The following NBAS variants were observed in gnomAD, a reference collection of about 807,000 sequenced individuals.
NBAS encodes the protein NAG/BC035112 fusion.
In NBAS, 219 loss-of-function variants were observed where a neutral mutation model predicts 302.5. The ratio of observed to expected loss-of-function variants is 0.72; its 90% CI spans 0.65 to 0.81. NBAS has a LOEUF of 0.81. Among genes scored for constraint, NBAS ranks in the 30% least tolerant of loss-of-function variants. NBAS has a pLI of 0.00. For missense variants in NBAS, 2,932 were observed against 2,841.6 expected (o/e 1.03, Z -0.72); for synonymous variants, 1,118 against 1,021.6 (o/e 1.09, Z -1.80).
At chr2:15,351,958 A>T (rs1180093801) in intron 35 of NBAS, 34 bp downstream of exon 35, 2 of 1,502,616 alleles carry the variant, frequency 1.3e-6, no homozygotes, top group Non-Finnish European at 1.9e-6. Flanking sequence ...ACTCTCAGCC[A>T]CCTTTCAAAC....
downstream of NBAS, among the ~76,000 whole-genome samples, chr2:15,166,347 C>T (rs1482216670): frequency 5.3e-5 from 8 of 152,116 alleles, no homozygotes; most frequent in South Asian, 2.1e-4. Flanking sequence ...CTGAACATGT[C>T]GATGCTGATA....
chr2:15,008,659 A>G, the NBAS span, among the ~76,000 whole-genome samples: 1 of 152,184 alleles, frequency 6.6e-6, no homozygotes, highest in African/African-American at 2.4e-5. Context: ...TTCACTTTCT[A>G]TCATGATAAT....
At chr2:14,840,707 A>T in the NBAS span, among the ~76,000 whole-genome samples, 1 of 152,088 alleles carries the variant, frequency 6.6e-6, no homozygotes, top group African/African-American at 2.4e-5. Context: ...TAAATGAGAG[A>T]AAAAATCTTT....
chr2:15,176,707 C>A (rs900283434), intron 51 of NBAS, among the ~76,000 whole-genome samples: 2 of 152,126 alleles, frequency 1.3e-5, no homozygotes, highest in African/African-American at 4.8e-5. Context: ...TTCTAATGAG[C>A]ATTTTCCTTT....
At chr2:15,500,215 T>C (rs927399599) in intron 11 of NBAS, among the ~76,000 whole-genome samples, 16 of 152,158 alleles carry the variant, frequency 1.1e-4, no homozygotes, top group Non-Finnish European at 2.2e-4. Flanking sequence ...CTTTCAAATA[T>C]ACAAACTGTA....
the NBAS span, among the ~76,000 whole-genome samples, chr2:15,144,048 A>ATATATATATATATATATATTATCCT: frequency 5.3e-5 from 6 of 113,814 alleles, 1 homozygote; most frequent in African/African-American, 1.1e-4. Flanking sequence ...TATATATAAA[A>ATATATATATATATATATATTATCCT]ATATATATAT....
chr2:14,980,210 C>T, the NBAS span, among the ~76,000 whole-genome samples: 2 of 152,088 alleles, frequency 1.3e-5, no homozygotes, highest in Non-Finnish European at 2.9e-5. Flanking sequence ...CCAAAGATGC[C>T]TGGTCAGGCC....
chr2:15,281,198 G>C (rs1669809663), intron 42 of NBAS, among the ~76,000 whole-genome samples: 1 of 152,164 alleles, frequency 6.6e-6, no homozygotes, highest in Non-Finnish European at 1.5e-5. Flanking sequence ...AATAGGCTTT[G>C]TCTCTTCTAT....
At chr2:15,535,551 T>TAAATAAAC (rs1553334458) in intron 8 of NBAS, among the ~76,000 whole-genome samples, 8,502 of 147,818 alleles carry the variant, frequency 0.058, 356 homozygotes, top group South Asian at 0.12. Flanking sequence ...AATAAATAAA[T>TAAATAAAC]AAATAAATAA....
At chr2:14,785,598 T>C in the NBAS span, among the ~76,000 whole-genome samples, 5 of 152,194 alleles carry the variant, frequency 3.3e-5, no homozygotes, top group African/African-American at 1.2e-4. Context: ...TTGTCTTTGG[T>C]TCTGTTTATG....
intron 51 of NBAS, among the ~76,000 whole-genome samples, chr2:15,174,185 G>A (rs750392286): frequency 6.6e-6 from 1 of 152,224 alleles, no homozygotes; most frequent in Admixed American, 6.5e-5. Context: ...AGTTAAAGGG[G>A]ACCAAAGACA....
At chr2:14,974,848 A>G in the NBAS span, among the ~76,000 whole-genome samples, 1 of 152,198 alleles carries the variant, frequency 6.6e-6, no homozygotes, top group Non-Finnish European at 1.5e-5. Context: ...CTAAAAAGGG[A>G]TAGTTGTCTG....
At chr2:15,339,102 A>G (rs2148261555) in intron 35 of NBAS, among the ~76,000 whole-genome samples, 1 of 152,288 alleles carries the variant, frequency 6.6e-6, no homozygotes, top group African/African-American at 2.4e-5. Flanking sequence ...GAATTCTTAG[A>G]TCCAGATTAT....
chr2:15,190,416 A>G lies in NBAS; in HGVS notation c.6433-13T>C, dbSNP rs1247708380. ...CAGCTATGTCTACCTGGAAGAAGAA[A>G]TACACACTTAAAGCTGGTGGCAAAG... On this transcript the variant is annotated splice_polypyrimidine_tract_variant and intron_variant, in intron 48 of 51. Coordinates refer to ENST00000281513, the MANE Select transcript of NBAS (RefSeq NM_015909.4). 6 of 1,613,652 alleles carry G rather than the reference A, an allele frequency of 3.7e-6. No homozygotes were observed. Among genetic ancestry groups the G allele is most frequent in the Non-Finnish European group, 5.1e-6 (6 of 1,179,876 alleles).
At chr2:14,822,001 C>A in the NBAS span, among the ~76,000 whole-genome samples, 2 of 152,030 alleles carry the variant, frequency 1.3e-5, no homozygotes, top group Non-Finnish European at 2.9e-5. Flanking sequence ...CCACTGCACT[C>A]CAGCCTGGGC....
Position 15,271,921 on chromosome 2 carries a change from C to A in NBAS, c.5724+3563G>T, listed in dbSNP as rs551740769. 4.9e-4 allele frequency among the ~76,000 whole-genome samples: 74 copies of A among 151,786 alleles called. 1 individual carries two copies. The highest frequency in any genetic ancestry group is 1.4e-3 in the Admixed American group (22 of 15,246). On this transcript the variant is annotated intron_variant, in intron 44 of 51. Transcript: ENST00000281513. Reference sequence around the variant, plus strand: ...TAATCTGATTCAACAACAACAACAACAAAAAAAAGCATTTAGATTTGGTAC... The same window carrying A: ...TAATCTGATTCAACAACAACAACAAAAAAAAAAAGCATTTAGATTTGGTAC...
At chr2:15,516,898 TA>T (rs937141175) in intron 9 of NBAS, among the ~76,000 whole-genome samples, 2 of 152,100 alleles carry the variant, frequency 1.3e-5, no homozygotes, top group African/African-American at 4.8e-5. Context: ...TAATGCAGAT[TA>T]AAACAACACA....
the NBAS span, among the ~76,000 whole-genome samples, chr2:14,796,917 T>C: frequency 1.0e-4 from 2 of 19,778 alleles, no homozygotes; most frequent in Non-Finnish European, 9.5e-5. Flanking sequence ...TCCTAAAAAA[T>C]ACAAAAAAAA....
At chr2:15,196,567 T>C (rs1665629213) in intron 48 of NBAS, among the ~76,000 whole-genome samples, 1 of 152,140 alleles carries the variant, frequency 6.6e-6, no homozygotes, top group African/African-American at 2.4e-5. Context: ...GGAAAATGCT[T>C]ATACAAACAA....
Sources: gnomAD v4.1 joint callset for allele counts (sites outside exome capture counted in the v4.1 genomes callset) on GRCh38, gnomAD v4.1.1 for gene constraint, MANE v1.5 for transcripts, NCBI Gene and HGNC (gene_info 2026-07-23, HGNC 2026-07-21) for gene names.